The following HGSNAT variants were observed in gnomAD, a reference collection of about 807,000 sequenced individuals.
HGSNAT encodes transmembrane protein 76.
A neutral mutation model predicts 85.2 loss-of-function variants in HGSNAT; 59 were observed. That is an observed-to-expected ratio of 0.69 (90% CI 0.56 to 0.86). The LOEUF (loss-of-function observed/expected upper bound fraction) is 0.86, where lower values mean the gene tolerates loss of function less well. Ranked by LOEUF, HGSNAT falls within the 40% of genes least tolerant of loss-of-function variation. The pLI is 0.00. For missense variants in HGSNAT, 756 were observed against 777.1 expected (o/e 0.97, Z 0.32); for synonymous variants, 321 against 304.5 (o/e 1.05, Z -0.56).
intron 11 of HGSNAT, among the ~76,000 whole-genome samples, chr8:43,190,694 A>G (rs1804497418): frequency 6.6e-6 from 1 of 152,224 alleles, no homozygotes; most frequent in Non-Finnish European, 1.5e-5. Flanking sequence ...CAGAGATCCA[A>G]AAGTTTGAAT....
rs1484663572 is a variant in HGSNAT at position 43,196,934 on chromosome 8, G to A, written c.1465-14G>A. 13 of 1,543,948 alleles carry A rather than the reference G, an allele frequency of 8.4e-6. No homozygotes were observed. The highest frequency in any genetic ancestry group is 1.7e-5 in the Admixed American group (1 of 59,760). Reference sequence around the variant, plus strand: ...TTGGCGATTCTTTTGGTCACACTGTGTTATCTCCTCCAGGCAGGAAAAATA... The same window carrying A: ...TTGGCGATTCTTTTGGTCACACTGTATTATCTCCTCCAGGCAGGAAAAATA... On this transcript the variant is annotated splice_polypyrimidine_tract_variant and intron_variant, in intron 14 of 17. Coordinates refer to ENST00000379644, the MANE Select transcript of HGSNAT (RefSeq NM_152419.3).
chr8:43,161,406 G>T (rs1401053975), intron 4 of HGSNAT, 32 bp from the exon 5 acceptor site: 1 of 1,562,032 alleles, frequency 6.4e-7, no homozygotes, highest in Non-Finnish European at 8.8e-7. Context: ...TGACATTTTT[G>T]GGGGCTAATG....
intron 11 of HGSNAT, among the ~76,000 whole-genome samples, chr8:43,190,444 C>T (rs1586749544): frequency 6.6e-6 from 1 of 152,170 alleles, no homozygotes; most frequent in South Asian, 2.1e-4. Context: ...GTTACTCTTT[C>T]CCCCTCTGCC....
chr8:43,158,453 G>A (rs1194419760), intron 2 of HGSNAT, 122 bp from the exon 3 acceptor site: 2 of 1,002,366 alleles, frequency 2.0e-6, no homozygotes, highest in African/African-American at 3.3e-5. Context: ...AAATGTAGAG[G>A]TTTTTTTATA....
At chr8:43,156,193 G>T (rs1022456445) in intron 2 of HGSNAT, among the ~76,000 whole-genome samples, 6 of 152,076 alleles carry the variant, frequency 3.9e-5, no homozygotes, top group African/African-American at 9.7e-5. Context: ...CTTAGAACTG[G>T]TTTTGCTGTA....
chr8:43,151,605 A>T lies in HGSNAT; in HGVS notation c.234+4542A>T, dbSNP rs757790314. Among the ~76,000 whole-genome samples, 70 of 152,250 alleles carry T rather than the reference A, an allele frequency of 4.6e-4. 1 individual carries two copies. Among genetic ancestry groups the T allele is most frequent in the Non-Finnish European group, 8.8e-5 (6 of 68,038 alleles). On this transcript the variant is annotated intron_variant, in intron 2 of 17. Coordinates refer to ENST00000379644, the MANE Select transcript of HGSNAT (RefSeq NM_152419.3). ...GGATAAATTAAAAAAAGCAGGGATT[A>T]TGTATTCTACCTCATACTTCTGCAC...
chr8:43,173,569 A>C, intron 8 of HGSNAT, 144 bp from the exon 9 acceptor site: 1 of 863,582 alleles, frequency 1.2e-6, no homozygotes, highest in Non-Finnish European at 1.9e-6. Flanking sequence ...CTCGGCCCCC[A>C]CAAAGTGTTG....
intron 1 of HGSNAT, among the ~76,000 whole-genome samples, chr8:43,145,691 C>G (rs1314743409): frequency 6.6e-6 from 1 of 151,864 alleles, no homozygotes; most frequent in East Asian, 1.9e-4. Context: ...GTAGAGGTTG[C>G]AGTGAGCCGA....
At chr8:43,143,999 A>G (rs953268148) in intron 1 of HGSNAT, among the ~76,000 whole-genome samples, 4 of 152,100 alleles carry the variant, frequency 2.6e-5, no homozygotes, top group African/African-American at 9.7e-5. Context: ...ATCAGAAGCT[A>G]TTCAAAAGCC....
At chr8:43,167,714 T>C (rs1210398321) in intron 5 of HGSNAT, among the ~76,000 whole-genome samples, 1 of 152,146 alleles carries the variant, frequency 6.6e-6, no homozygotes, top group Non-Finnish European at 1.5e-5. Context: ...GTTTCTCTGC[T>C]TCTGTGTAAC....
At chr8:43,141,381 T>G (rs1014984838) in intron 1 of HGSNAT, among the ~76,000 whole-genome samples, 1 of 152,110 alleles carries the variant, frequency 6.6e-6, no homozygotes, top group African/African-American at 2.4e-5. Context: ...GTGCGCTGGC[T>G]TAAGAGGCGC....
At chr8:43,196,324 A>G (rs1804725632) in intron 14 of HGSNAT, 1 of 435,120 alleles carries the variant, frequency 2.3e-6, no homozygotes, top group Non-Finnish European at 4.2e-6. Flanking sequence ...TGAATACCTA[A>G]TTTCAGAGGG....
At position 43,188,245 on chromosome 8, in the gene HGSNAT, C is replaced by A. The variant is rs180738381; in HGVS notation, c.1129-3229C>A. Among the ~76,000 whole-genome samples, 16 of 152,296 alleles carry A rather than the reference C, an allele frequency of 1.1e-4. No homozygotes were observed. In the South Asian group the frequency reaches 3.1e-3, roughly 30 times the overall value. ...TAATATCCTGAAGAGTTTTTTCCGA[C>A]TTGGTTCTGTTCTCCCCGTCACTTT... is the stretch of plus-strand genomic sequence containing the variant. On this transcript the variant is annotated intron_variant, in intron 11 of 17. Coordinates refer to ENST00000379644, the MANE Select transcript of HGSNAT (RefSeq NM_152419.3).
Position 43,197,942 on chromosome 8 carries a change from C to T in HGSNAT, c.1716C>T (p.Phe572=). ...DVKGLWTGTP[F]FYPGMNSILV... Reference sequence around the variant, plus strand: ...AGGGGCTGTGGACAGGAACCCCATTCTTTTATCCAGGTAAGTCACCTCCAA... The same window carrying T: ...AGGGGCTGTGGACAGGAACCCCATTTTTTTATCCAGGTAAGTCACCTCCAA... The change falls in exon 17 of 18, where the codon TTC becomes TTT. Residue 572 remains phenylalanine (F), a synonymous_variant. Coordinates refer to ENST00000379644, the MANE Select transcript of HGSNAT (RefSeq NM_152419.3). The T allele has an allele frequency of 6.2e-7, 1 of 1,612,086 alleles. No homozygotes were observed. The highest frequency in any genetic ancestry group is 1.1e-5 in the South Asian group (1 of 90,894).
rs1804860866 is a variant in HGSNAT, at chr8:43,199,826, G to A, written c.*257G>A. The A allele has an allele frequency of 3.3e-6, 1 of 305,908 alleles. No individual in the cohort carries two copies. The highest frequency in any genetic ancestry group is 1.4e-4 in the South Asian group (1 of 7,070). 18.9% of individuals were successfully genotyped at this position (305,908 alleles called of 1,614,324 possible). ...TCTTCTGTGGAAATGGATGTCTTTG[G>A]AACTTCATTCCGAGGAGATAAGCTT... On this transcript the variant is annotated 3_prime_UTR_variant, in exon 18 of 18. Coordinates refer to ENST00000379644, the MANE Select transcript of HGSNAT (RefSeq NM_152419.3).
At position 43,199,788 on chromosome 8, in the gene HGSNAT, C is replaced by CT. The variant is rs1804860164; in HGVS notation, c.*225dup. The CT allele has an allele frequency of 2.7e-6, 1 of 367,108 alleles. No individual in the cohort carries two copies. Among genetic ancestry groups the CT allele is most frequent in the Admixed American group, 4.6e-5 (1 of 21,832 alleles). The allele number at this position is 367,108 out of a possible 1,614,324, so 22.7% of individuals were successfully genotyped here. A position where few individuals can be genotyped will look rare whatever the true frequency, so the allele number is the denominator to read the frequency against. On this transcript the variant is annotated 3_prime_UTR_variant, in exon 18 of 18. Coordinates refer to ENST00000379644, the MANE Select transcript of HGSNAT (RefSeq NM_152419.3). ...ACTTACAGATTTGAAATGTAATTGT[C>CT]TTTTTTCCTCCATCTTCTGTGGAAA...
intron 5 of HGSNAT, among the ~76,000 whole-genome samples, chr8:43,164,927 GA>G (rs772332835): frequency 3.3e-5 from 5 of 152,042 alleles, no homozygotes; most frequent in Non-Finnish European, 7.4e-5. Context: ...GAGGGAGATG[GA>G]GGAACAGTCA....
chr8:43,161,484 A>G lies in HGSNAT; in HGVS notation c.540A>G (p.Ile180Met), dbSNP rs1195940980. 1.9e-6 allele frequency: 3 copies of G among 1,610,056 alleles called. No individual in the cohort carries two copies. Among genetic ancestry groups the G allele is most frequent in the African/African-American group, 1.3e-5 (1 of 74,826 alleles). Residue 180 changes from isoleucine to methionine, a missense_variant, in exon 5 of 18, where the codon ATA (isoleucine) becomes ATG (methionine). Ile to Met is a conservative substitution (Grantham distance 10). Coordinates refer to ENST00000379644, the MANE Select transcript of HGSNAT (RefSeq NM_152419.3). ...TTGGTCTTGCTGTCATCATTGTGATATCCTTTCTGAGGCTCTTGTTGAGGT... is the reference window on the plus strand; with the variant it reads ...TTGGTCTTGCTGTCATCATTGTGATGTCCTTTCTGAGGCTCTTGTTGAGGT... ...FLIGLAVIIV[I>M]SFLRLLLSLD...
At chr8:43,157,837 A>G (rs906399804) in intron 2 of HGSNAT, among the ~76,000 whole-genome samples, 10 of 151,760 alleles carry the variant, frequency 6.6e-5, no homozygotes, top group Non-Finnish European at 1.2e-4. Context: ...GTCTTTTAAA[A>G]CACATAATTT....
Sources: allele counts gnomAD v4.1 joint callset (sites outside exome capture counted in the v4.1 genomes callset), GRCh38; gene constraint gnomAD v4.1.1; transcripts MANE v1.5; gene names NCBI Gene and HGNC (gene_info 2026-07-23, HGNC 2026-07-21).